Variants in PAFAH1B1 observed in about 807,000 individuals in gnomAD.
The protein encoded by PAFAH1B1 is platelet-activating factor acetylhydrolase IB subunit beta.
A neutral mutation model predicts 57.5 loss-of-function variants in PAFAH1B1; 2 were observed. The ratio of observed to expected loss-of-function variants is 0.03; its 90% confidence interval spans 0.01 to 0.11. PAFAH1B1 has a LOEUF of 0.11. Ranked by LOEUF, PAFAH1B1 falls within the 10% of genes least tolerant of loss-of-function variation. The probability of loss-of-function intolerance (pLI) is 1.00; values close to 1 mark genes in which losing one functional copy is unlikely to be tolerated. For missense variants in PAFAH1B1, 257 were observed against 512.0 expected (o/e 0.50, Z 4.81); for synonymous variants, 152 against 169.6 (o/e 0.90, Z 0.81).
intron 1 of PAFAH1B1, among the ~76,000 whole-genome samples, chr17:2,626,994 C>T (rs1375412577): frequency 2.0e-5 from 3 of 152,134 alleles, no homozygotes; most frequent in Non-Finnish European, 4.4e-5. Context: ...GGATATCAGT[C>T]CTTTGTCAGA....
chr17:2,606,603 G>T (rs1233741614), intron 1 of PAFAH1B1, among the ~76,000 whole-genome samples: 1 of 151,936 alleles, frequency 6.6e-6, no homozygotes, highest in Non-Finnish European at 1.5e-5. Context: ...CTTCAGGCCC[G>T]CCTTGGCCTC....
At chr17:2,649,489 G>C (rs1464609100) in intron 2 of PAFAH1B1, among the ~76,000 whole-genome samples, 1 of 151,416 alleles carries the variant, frequency 6.6e-6, no homozygotes, top group Non-Finnish European at 1.5e-5. Context: ...CAGGAGGATC[G>C]CTTGAACCTG....
At chr17:2,630,609 A>G (rs746490856) in intron 1 of PAFAH1B1, among the ~76,000 whole-genome samples, 1 of 152,072 alleles carries the variant, frequency 6.6e-6, no homozygotes, top group Non-Finnish European at 1.5e-5. Flanking sequence ...TTTTGCAGTG[A>G]CTTTCCCAGG....
At chr17:2,595,506 G>A (rs1190387157) in intron 1 of PAFAH1B1, among the ~76,000 whole-genome samples, 1 of 149,984 alleles carries the variant, frequency 6.7e-6, no homozygotes, top group Non-Finnish European at 1.5e-5. Flanking sequence ...TGTTGACTGT[G>A]TCATAGTGAT....
chr17:2,640,902 T>G (rs929424440), intron 2 of PAFAH1B1: 2 of 152,196 alleles, frequency 1.3e-5, no homozygotes, highest in African/African-American at 4.8e-5. Flanking sequence ...GTAGTTACTG[T>G]CATTTTCTTT....
intron 9 of PAFAH1B1, among the ~76,000 whole-genome samples, chr17:2,677,856 A>AAAATAAAT (rs10639352): frequency 0.014 from 2,107 of 149,938 alleles, 42 homozygotes; most frequent in African/African-American, 0.046. Context: ...TCCGCCTCAA[A>AAAATAAAT]AAATAAATAA....
At position 2,617,509 on chromosome 17, in the gene PAFAH1B1, C is replaced by T. The variant is rs185009098; in HGVS notation, c.-190-20590C>T. On this transcript the variant is annotated intron_variant, in intron 1 of 10. Transcript: ENST00000397195. ...TCCATCCCTCAGTGATTTTACCATA[C>T]TGATAAACCAACCTGATCTCTTTTT... Among the ~76,000 whole-genome samples, 27 of 152,324 alleles carry T rather than the reference C, an allele frequency of 1.8e-4. No individual in the cohort carries two copies. In the East Asian group the frequency reaches 4.4e-3, roughly 25 times the overall value.
rs1284322653 is a variant in PAFAH1B1 at position 2,593,944 on chromosome 17, CCCGCCG to C, written c.-252_-247del. ...CTCCCTCCCCTCTCCCTCCCCCTCC[CCCGCCG>C]GTGGATGGGAGTGAAGGACGGAAGA... On this transcript the variant is annotated 5_prime_UTR_variant, in exon 1 of 11. Coordinates refer to ENST00000397195, the MANE Select transcript of PAFAH1B1 (RefSeq NM_000430.4). The C allele has an allele frequency of 5.1e-6, 2 of 395,172 alleles. No individual in the cohort carries two copies. Among genetic ancestry groups the C allele is most frequent in the Admixed American group, 8.9e-5 (2 of 22,538 alleles). 24.5% of individuals were successfully genotyped at this position (395,172 alleles called of 1,614,324 possible).
At chr17:2,622,906 G>C (rs2068442667) in intron 1 of PAFAH1B1, among the ~76,000 whole-genome samples, 1 of 152,212 alleles carries the variant, frequency 6.6e-6, no homozygotes, top group Non-Finnish European at 1.5e-5. Context: ...TGACTTCTGT[G>C]AACCCACTTG....
intron 1 of PAFAH1B1, among the ~76,000 whole-genome samples, chr17:2,627,348 G>A (rs188209569): frequency 2.9e-4 from 44 of 152,188 alleles, no homozygotes; most frequent in Non-Finnish European, 6.2e-4. Context: ...TGAAAAGGGT[G>A]TCCTTTCCCT....
At chr17:2,604,047 A>C (rs749624345) in intron 1 of PAFAH1B1, among the ~76,000 whole-genome samples, 3 of 139,688 alleles carry the variant, frequency 2.1e-5, no homozygotes, top group Non-Finnish European at 4.6e-5. Flanking sequence ...GATTATTTTT[A>C]TTTTCTTTTT....
Position 2,684,230 on chromosome 17 carries a change from G to A in PAFAH1B1, c.*2428G>A, listed in dbSNP as rs2069433411. 6.6e-6 allele frequency: 1 copy of A among 152,654 alleles called. No homozygotes were observed. The highest frequency in any genetic ancestry group is 1.5e-5 in the Non-Finnish European group (1 of 68,104). 9.5% of individuals were successfully genotyped at this position (152,654 alleles called of 1,614,324 possible). A position where few individuals can be genotyped will look rare whatever the true frequency, so the allele number is the denominator to read the frequency against. On this transcript the variant is annotated 3_prime_UTR_variant, in exon 11 of 11. Transcript: ENST00000397195. ...TGTTTAATAACGAAGGGGTGGGGGAGAGCAGTCCGTCTACAACCTGGAATC... is the reference window on the plus strand; with the variant it reads ...TGTTTAATAACGAAGGGGTGGGGGAAAGCAGTCCGTCTACAACCTGGAATC...
Position 2,684,189 on chromosome 17 carries a change from C to G in PAFAH1B1, c.*2387C>G, listed in dbSNP as rs142534933. The G allele has an allele frequency of 5.0e-3, 758 of 152,748 alleles. 3 individuals carry two copies. Among genetic ancestry groups the G allele is most frequent in the Non-Finnish European group, 7.3e-3 (497 of 68,046 alleles). 9.5% of individuals were successfully genotyped at this position (152,748 alleles called of 1,614,324 possible). A position where few individuals can be genotyped will look rare whatever the true frequency, so the allele number is the denominator to read the frequency against. ...CTCAGGGATGGCCCACAACTGGGTC[C>G]ACATGTAATGAGCCCTGTTTAATAA... On this transcript the variant is annotated 3_prime_UTR_variant, in exon 11 of 11. Transcript: ENST00000397195.
chr17:2,652,068 T>A (rs1353976155), intron 2 of PAFAH1B1, among the ~76,000 whole-genome samples: 1 of 152,204 alleles, frequency 6.6e-6, no homozygotes, highest in African/African-American at 2.4e-5. Context: ...ATTACAATTA[T>A]ATAGCTTGTA....
intron 1 of PAFAH1B1, among the ~76,000 whole-genome samples, chr17:2,600,757 TCTCG>T (rs971068514): frequency 1.3e-5 from 2 of 152,142 alleles, no homozygotes; most frequent in African/African-American, 4.8e-5. Context: ...TGAGACGGAC[TCTCG>T]CTGTGTTGCC....
At position 2,682,270 on chromosome 17, in the gene PAFAH1B1, C is replaced by A. The variant is rs141878652; in HGVS notation, c.*468C>A. The A allele has an allele frequency of 5.2e-3, 800 of 153,696 alleles. 3 individuals are homozygous for A. Among genetic ancestry groups the A allele is most frequent in the Non-Finnish European group, 8.2e-3 (564 of 68,716 alleles). The allele number at this position is 153,696 out of a possible 1,614,324, so 9.5% of individuals were successfully genotyped here. On this transcript the variant is annotated 3_prime_UTR_variant, in exon 11 of 11. Coordinates refer to ENST00000397195, the MANE Select transcript of PAFAH1B1 (RefSeq NM_000430.4). ...CACTTAAGTGTGCTTAATAAATCTT[C>A]TGTAAGGATTTTAGATGATAAGGCT...
intron 1 of PAFAH1B1, among the ~76,000 whole-genome samples, chr17:2,619,845 T>A (rs1298624058): frequency 2.0e-5 from 3 of 152,188 alleles, no homozygotes; most frequent in African/African-American, 7.2e-5. Flanking sequence ...CGTGGTTTGA[T>A]CGTAGCTCAC....
chr17:2,671,569 A>T (rs7207987), intron 6 of PAFAH1B1, among the ~76,000 whole-genome samples: 124,895 of 135,656 alleles, frequency 0.92, 58,103 homozygotes, highest in East Asian at 1. Flanking sequence ...TTTCTAATGC[A>T]TTTTTTTTTT....
chr17:2,623,786 T>TAGCTGGGATCCC (rs2068454007), intron 1 of PAFAH1B1, among the ~76,000 whole-genome samples: 1 of 103,952 alleles, frequency 9.6e-6, no homozygotes, highest in Admixed American at 9.1e-5. Flanking sequence ...TAGCTGGGAT[T>TAGCTGGGATCCC]AGCCACCACT....
Sources: gnomAD v4.1 joint callset for allele counts (sites outside exome capture counted in the v4.1 genomes callset) on GRCh38, gnomAD v4.1.1 for gene constraint, MANE v1.5 for transcripts, NCBI Gene and HGNC (gene_info 2026-07-23, HGNC 2026-07-21) for gene names.